The following CD5 variants were observed in gnomAD, a reference collection of about 807,000 sequenced individuals.
CD5 encodes T-cell surface glycoprotein CD5.
CD5 carries 36 observed loss-of-function variants against 60.3 expected under a neutral mutation model. That is an observed-to-expected ratio of 0.60 (90% CI 0.46 to 0.79). The LOEUF is 0.79. Ranked by LOEUF, CD5 falls within the 30% of genes least tolerant of loss-of-function variation. CD5 has a pLI of 0.00. For missense variants in CD5, 540 were observed against 630.6 expected (o/e 0.86, Z 1.54); for synonymous variants, 230 against 257.6 (o/e 0.89, Z 1.03).
chr11:61,095,589 C>T, the CD5 span, among the ~76,000 whole-genome samples: 13 of 152,108 alleles, frequency 8.5e-5, no homozygotes, highest in Non-Finnish European at 1.9e-4. Context: ...GCTAGAGAAG[C>T]ACGTCCCAGC....
intron 1 of CD5, among the ~76,000 whole-genome samples, chr11:61,105,156 G>T (rs527407): frequency 0.72 from 109,946 of 152,230 alleles, 41,139 homozygotes; most frequent in East Asian, 1. Context: ...GCCCCCAGCA[G>T]GCCTGGGTGC....
upstream of CD5, among the ~76,000 whole-genome samples, chr11:61,098,522 C>T (rs918392697): frequency 6.6e-6 from 1 of 152,204 alleles, no homozygotes; most frequent in African/African-American, 2.4e-5. Context: ...TAAAGATCGA[C>T]CCCTGACCTA....
At chr11:61,119,890 G>A (rs1237354180) in intron 5 of CD5, among the ~76,000 whole-genome samples, 1 of 151,816 alleles carries the variant, frequency 6.6e-6, no homozygotes, top group Non-Finnish European at 1.5e-5. Flanking sequence ...GGGTCTGGGG[G>A]AGAAAAAAAA....
At chr11:61,094,036 G>A in the CD5 span, among the ~76,000 whole-genome samples, 2 of 152,108 alleles carry the variant, frequency 1.3e-5, no homozygotes, top group Admixed American at 6.5e-5. Flanking sequence ...TTTGTCTGTG[G>A]CTTGTCCTGC....
chr11:61,104,112 G>A (rs1429215306), intron 1 of CD5, among the ~76,000 whole-genome samples: 1 of 149,894 alleles, frequency 6.7e-6, no homozygotes, highest in Non-Finnish European at 1.5e-5. Context: ...GTACTGTGTG[G>A]GGGGAATGTG....
chr11:61,103,722 G>T (rs1860735675), intron 1 of CD5, among the ~76,000 whole-genome samples: 1 of 148,900 alleles, frequency 6.7e-6, no homozygotes, highest in Admixed American at 6.7e-5. Context: ...GTGTGTAGGG[G>T]AATGTGTGAG....
upstream of CD5, among the ~76,000 whole-genome samples, chr11:61,101,907 TCTCTACAC>T (rs1165442566): frequency 4.5e-5 from 6 of 134,370 alleles, no homozygotes; most frequent in African/African-American, 1.7e-4. Flanking sequence ...GATCTCTCTC[TCTCTACAC>T]ACACACACAC....
At chr11:61,111,459 A>T (rs534486346) in intron 1 of CD5, among the ~76,000 whole-genome samples, 1 of 152,354 alleles carries the variant, frequency 6.6e-6, no homozygotes, top group African/African-American at 2.4e-5. Context: ...CTAAGTATGC[A>T]GCAGGTGCTC....
the CD5 span, among the ~76,000 whole-genome samples, chr11:61,094,699 C>A: frequency 1.3e-5 from 2 of 152,036 alleles, no homozygotes; most frequent in Non-Finnish European, 2.9e-5. Context: ...GGTGTTTTGT[C>A]TCGAGGAAAC....
At chr11:61,099,326 A>AAGT (rs1385968674), upstream of CD5, among the ~76,000 whole-genome samples, 61 of 146,812 alleles carry the variant, frequency 4.2e-4, no homozygotes, top group Non-Finnish European at 8.2e-4. Context: ...GATCACACCC[A>AAGT]CAACACAGAG....
upstream of CD5, among the ~76,000 whole-genome samples, chr11:61,101,911 T>TACACAC (rs35648034): frequency 1.3e-3 from 185 of 142,460 alleles, no homozygotes; most frequent in Middle Eastern, 7.1e-3. Context: ...TCTCTCTCTC[T>TACACAC]ACACACACAC....
At chr11:61,115,230 C>T (rs1172357110) in intron 2 of CD5, 136 bp downstream of exon 2, 1 of 702,616 alleles carries the variant, frequency 1.4e-6, no homozygotes, top group Non-Finnish European at 2.3e-6. Context: ...AGAGTGAACC[C>T]CAGCATACAC....
rs746105555 is a variant in CD5, at chr11:61,121,654, C to A, written c.849C>A (p.Ser283Arg). 1 of 1,553,210 alleles carries A rather than the reference C, an allele frequency of 6.4e-7. No homozygotes were observed. The highest frequency in any genetic ancestry group is 1.8e-5 in the Admixed American group (1 of 55,694). ...KVQSRLVGGS[S>R]ICEGTVEVRQ... ...AGAGCCGTCTGGTGGGGGGCAGCAG[C>A]ATCTGTGAAGGCACCGTGGAGGTGC... Residue 283 changes from serine (S) to arginine (R), a missense_variant, in exon 6 of 11, where the codon AGC becomes AGA. Ser to Arg is a moderately radical substitution (Grantham distance 110). Transcript: ENST00000347785.
chr11:61,114,919 A>C (rs1210084859), intron 1 of CD5, 137 bp from the exon 2 acceptor site: 1 of 654,408 alleles, frequency 1.5e-6, no homozygotes, highest in Non-Finnish European at 2.5e-6. Context: ...GAGTATGAAA[A>C]TTCCTGTCCC....
intron 2 of CD5, among the ~76,000 whole-genome samples, chr11:61,116,713 T>C (rs74902766): frequency 0.19 from 3,622 of 18,984 alleles, 219 homozygotes; most frequent in African/African-American, 0.38. Flanking sequence ...ACACACCACA[T>C]GCACACTATA....
upstream of CD5, among the ~76,000 whole-genome samples, chr11:61,101,750 TACACACACATCAACATGGAGTTC>T (rs1227507621): frequency 6.9e-5 from 10 of 143,890 alleles, no homozygotes; most frequent in South Asian, 2.2e-4. Context: ...ACATGGAGAT[TACACACACATCAACATGGAGTTC>T]ACACACACAT....
intron 4 of CD5, 93 bp from the exon 5 acceptor site, chr11:61,119,141 T>C (rs1861011877): frequency 7.8e-7 from 1 of 1,280,402 alleles, no homozygotes; most frequent in Non-Finnish European, 1.1e-6. Context: ...CGTTAGTCAG[T>C]AGTTGTCCAC....
At chr11:61,098,770 C>A (rs1333581949), upstream of CD5, among the ~76,000 whole-genome samples, 1 of 152,200 alleles carries the variant, frequency 6.6e-6, no homozygotes, top group Non-Finnish European at 1.5e-5. Context: ...TGCTGATGCT[C>A]CCGGCTGAAT....
At chr11:61,097,444 G>T in the CD5 span, among the ~76,000 whole-genome samples, 1 of 152,196 alleles carries the variant, frequency 6.6e-6, no homozygotes, top group East Asian at 1.9e-4. Flanking sequence ...ACAGTCACTT[G>T]GTGGAGTTCA....
Sources: allele counts gnomAD v4.1 joint callset (sites outside exome capture counted in the v4.1 genomes callset), GRCh38; gene constraint gnomAD v4.1.1; transcripts MANE v1.5; gene names NCBI Gene and HGNC (gene_info 2026-07-23, HGNC 2026-07-21).